Variants in ASCC3 observed in about 807,000 individuals in gnomAD.
ASCC3 encodes the protein ASC-1 complex subunit P200.
Under a neutral mutation model 256.3 loss-of-function variants are expected in ASCC3, and 158 were observed. The observed-to-expected ratio is 0.62, with a 90% CI of 0.54 to 0.70. The LOEUF (loss-of-function observed/expected upper bound fraction) is 0.70. Among genes scored for constraint, ASCC3 ranks in the 30% least tolerant of loss-of-function variants. The pLI, the probability that ASCC3 is intolerant of heterozygous loss-of-function variation, is 0.00. For synonymous variants in ASCC3, 948 were observed against 883.4 expected, an observed-to-expected ratio of 1.07 and a Z score of -1.30; for missense variants, 2,259 against 2,626.0, an observed-to-expected ratio of 0.86 and a Z score of 3.05.
At chr6:100,774,210 C>T (rs533858208) in intron 8 of ASCC3, among the ~76,000 whole-genome samples, 31 of 152,228 alleles carry the variant, frequency 2.0e-4, no homozygotes, top group South Asian at 1.5e-3. Context: ...CAGGCTGAAG[C>T]GCAGTGGAGC....
chr6:100,541,825 T>C (rs1401010851), intron 36 of ASCC3, among the ~76,000 whole-genome samples: 3 of 152,134 alleles, frequency 2.0e-5, no homozygotes, highest in African/African-American at 7.2e-5. Flanking sequence ...GACAAAACAG[T>C]TGTTACAACT....
intron 30 of ASCC3, among the ~76,000 whole-genome samples, chr6:100,622,952 A>G (rs1449395113): frequency 6.6e-6 from 1 of 152,102 alleles, no homozygotes. Context: ...CACAATGTCT[A>G]TATACTTTAA....
At chr6:100,697,156 G>A (rs1445676336) in intron 13 of ASCC3, among the ~76,000 whole-genome samples, 1 of 152,006 alleles carries the variant, frequency 6.6e-6, no homozygotes, top group Admixed American at 6.6e-5. Flanking sequence ...CATACATGCA[G>A]GGCCCAATAG....
At chr6:100,732,350 A>G (rs1779943651) in intron 10 of ASCC3, among the ~76,000 whole-genome samples, 1 of 152,182 alleles carries the variant, frequency 6.6e-6, no homozygotes, top group African/African-American at 2.4e-5. Context: ...TTCAAGAATA[A>G]GTAGTCAAAA....
At chr6:100,607,500 A>T (rs2114808686) in intron 30 of ASCC3, among the ~76,000 whole-genome samples, 1 of 152,176 alleles carries the variant, frequency 6.6e-6, no homozygotes, top group Non-Finnish European at 1.5e-5. Flanking sequence ...AAAATCAGCC[A>T]TAATCCTTGC....
At chr6:100,850,306 A>ATGCC (rs1772603639) in intron 3 of ASCC3, among the ~76,000 whole-genome samples, 1 of 152,058 alleles carries the variant, frequency 6.6e-6, no homozygotes, top group Non-Finnish European at 1.5e-5. Context: ...ACCCCACTCT[A>ATGCC]TGCCTATTTC....
chr6:100,644,029 A>C lies in ASCC3; in HGVS notation c.3732+2T>G, dbSNP rs1367354881. The C allele has an allele frequency of 6.3e-7, 1 of 1,594,944 alleles. No individual in the cohort carries two copies. Reference sequence around the variant, plus strand: ...AGGATATATTCACATATATACACTTACTTGTTTTTTTAGAGCTAGAAAATA... The same window carrying C: ...AGGATATATTCACATATATACACTTCCTTGTTTTTTTAGAGCTAGAAAATA... On this transcript the variant is annotated splice_donor_variant, in intron 23 of 41. Transcript: ENST00000369162. LOFTEE classifies it high-confidence loss of function.
intron 10 of ASCC3, among the ~76,000 whole-genome samples, chr6:100,733,545 G>A (rs574319353): frequency 1.6e-4 from 25 of 152,218 alleles, no homozygotes; most frequent in Non-Finnish European, 2.9e-4. Flanking sequence ...CTCATCAGAC[G>A]CCGATGCCCA....
chr6:100,780,464 G>C (rs1165192224), intron 8 of ASCC3, among the ~76,000 whole-genome samples: 1 of 152,044 alleles, frequency 6.6e-6, no homozygotes, highest in East Asian at 1.9e-4. Flanking sequence ...ATATTGCCAG[G>C]TACAGTGACT....
At chr6:100,638,204 T>C (rs1056799674) in intron 25 of ASCC3, among the ~76,000 whole-genome samples, 1 of 152,180 alleles carries the variant, frequency 6.6e-6, no homozygotes, top group Admixed American at 6.5e-5. Flanking sequence ...GGCAAAACCC[T>C]TCACTAGCAA....
chr6:100,784,047 A>G (rs2114270797), intron 8 of ASCC3, among the ~76,000 whole-genome samples: 1 of 152,290 alleles, frequency 6.6e-6, no homozygotes, highest in Non-Finnish European at 1.5e-5. Context: ...GGTATCTGAC[A>G]CCAAAGTCTA....
intron 8 of ASCC3, 127 bp from the exon 9 acceptor site, chr6:100,767,472 T>A (rs1781711918): frequency 2.1e-6 from 2 of 969,214 alleles, no homozygotes; most frequent in Admixed American, 4.2e-5. Context: ...TCACAATGTG[T>A]CTTTTATTTA....
intron 36 of ASCC3, among the ~76,000 whole-genome samples, chr6:100,551,759 T>C (rs1167150438): frequency 4.6e-5 from 7 of 152,050 alleles, no homozygotes; most frequent in Non-Finnish European, 8.8e-5. Flanking sequence ...TTAGTTTCCA[T>C]ATTTAAAAAT....
At chr6:100,637,982 G>A (rs1774928251) in intron 25 of ASCC3, among the ~76,000 whole-genome samples, 1 of 152,324 alleles carries the variant, frequency 6.6e-6, no homozygotes, top group South Asian at 2.1e-4. Flanking sequence ...TCAGAAAGCA[G>A]TGGCAGGGTT....
rs538236463 is a variant in ASCC3 at position 100,633,068 on chromosome 6, T to C, written c.4123-1855A>G. Among the ~76,000 whole-genome samples, 7 of 152,294 alleles carry C rather than the reference T, an allele frequency of 4.6e-5. No individual in the cohort carries two copies. In the South Asian group the frequency reaches 1.5e-3, roughly 32 times the overall value. Reference sequence around the variant, plus strand: ...AACGAAAGAAAATATTTGCAAACCATATACACTAGTTCTGTCTTAATGCCT... The same window carrying C: ...AACGAAAGAAAATATTTGCAAACCACATACACTAGTTCTGTCTTAATGCCT... On this transcript the variant is annotated intron_variant, in intron 25 of 41. Transcript: ENST00000369162.
At chr6:100,686,401 T>C (rs553449329) in intron 13 of ASCC3, among the ~76,000 whole-genome samples, 5 of 152,310 alleles carry the variant, frequency 3.3e-5, no homozygotes, top group Admixed American at 2.6e-4. Context: ...GTTTCTTGTG[T>C]GTCCTTTGAG....
At chr6:100,618,169 C>T (rs1773763478) in intron 30 of ASCC3, among the ~76,000 whole-genome samples, 1 of 152,100 alleles carries the variant, frequency 6.6e-6, no homozygotes, top group African/African-American at 2.4e-5. Context: ...ACTGAGTGCC[C>T]GACTATGTGA....
intron 4 of ASCC3, among the ~76,000 whole-genome samples, chr6:100,844,924 T>C (rs1293605842): frequency 1.3e-5 from 2 of 152,200 alleles, no homozygotes; most frequent in African/African-American, 2.4e-5. Context: ...ATGTGCTTTC[T>C]ATGTAATAAA....
chr6:100,713,039 T>G (rs1476281368), intron 13 of ASCC3, among the ~76,000 whole-genome samples: 1 of 152,138 alleles, frequency 6.6e-6, no homozygotes, highest in Non-Finnish European at 1.5e-5. Context: ...ATTACAGGCA[T>G]GAGCCACCAT....
Sources: gnomAD v4.1 joint callset for allele counts (sites outside exome capture counted in the v4.1 genomes callset) on GRCh38, gnomAD v4.1.1 for gene constraint, MANE v1.5 for transcripts, NCBI Gene and HGNC (gene_info 2026-07-23, HGNC 2026-07-21) for gene names.